Variants in WFDC9 observed in about 807,000 individuals in gnomAD.
The protein encoded by WFDC9 is protein WFDC9.
Under a neutral mutation model 9.5 loss-of-function variants are expected in WFDC9, and 9 were observed. That is an observed-to-expected ratio of 0.95 (90% CI 0.57 to 1.65). The LOEUF (loss-of-function observed/expected upper bound fraction) is 1.65, where lower values mean the gene tolerates loss of function less well. WFDC9 is among the 40% of genes most tolerant of loss of function. The probability of loss-of-function intolerance (pLI) is 0.00; values close to 1 mark genes in which losing one functional copy is unlikely to be tolerated. For synonymous variants in WFDC9, 33 were observed against 32.3 expected (o/e 1.02, Z -0.07); for missense variants, 87 against 106.7 (o/e 0.82, Z 0.81).
chr20:45,615,533 G>A (rs1420818505), intron 1 of WFDC9, among the ~76,000 whole-genome samples: 1 of 152,150 alleles, frequency 6.6e-6, no homozygotes, highest in African/African-American at 2.4e-5. Context: ...CATAAAAAAG[G>A]TAATATTGCA....
At chr20:45,617,747 C>T (rs2145598257) in intron 1 of WFDC9, among the ~76,000 whole-genome samples, 1 of 152,280 alleles carries the variant, frequency 6.6e-6, no homozygotes, top group African/African-American at 2.4e-5. Flanking sequence ...ACTCAACCTC[C>T]TGAGTAGCTG....
intron 1 of WFDC9, among the ~76,000 whole-genome samples, chr20:45,624,391 G>A (rs570955175): frequency 8.5e-5 from 13 of 152,238 alleles, no homozygotes; most frequent in African/African-American, 1.4e-4. Context: ...CATGAACCAC[G>A]GGATTTTATT....
chr20:45,622,968 T>A (rs371886870), intron 1 of WFDC9, among the ~76,000 whole-genome samples: 8 of 152,106 alleles, frequency 5.3e-5, no homozygotes, highest in East Asian at 3.9e-4. Context: ...AGATTTGTAT[T>A]GTCAAACCTA....
chr20:45,616,159 A>G (rs1378659142), intron 1 of WFDC9, among the ~76,000 whole-genome samples: 1 of 152,250 alleles, frequency 6.6e-6, no homozygotes, highest in East Asian at 1.9e-4. Flanking sequence ...ATTTCTTTCA[A>G]AATTTCGGTC....
intron 3 of WFDC9, among the ~76,000 whole-genome samples, chr20:45,609,865 G>A (rs1400154616): frequency 6.6e-6 from 1 of 152,110 alleles, no homozygotes; most frequent in Non-Finnish European, 1.5e-5. Flanking sequence ...GCTAGCTGAT[G>A]GAATATAGAC....
intron 1 of WFDC9, among the ~76,000 whole-genome samples, chr20:45,629,147 A>G (rs1246405106): frequency 6.6e-6 from 1 of 152,180 alleles, no homozygotes; most frequent in Non-Finnish European, 1.5e-5. Flanking sequence ...GTATGTGTTT[A>G]TATACATTTA....
At chr20:45,611,961 C>T (rs1289105427) in intron 2 of WFDC9, among the ~76,000 whole-genome samples, 2 of 152,060 alleles carry the variant, frequency 1.3e-5, no homozygotes, top group East Asian at 1.9e-4. Flanking sequence ...AATTAGAATC[C>T]CAACCCCACC....
Position 45,631,273 on chromosome 20 carries a change from C to G in WFDC9, c.-223G>C. Reference sequence around the variant, plus strand: ...CCCTACAGATGCCCCACTTGTCTTGCGTCCTGGTGTTCAATTTCTCTCCCT... The same window carrying G: ...CCCTACAGATGCCCCACTTGTCTTGGGTCCTGGTGTTCAATTTCTCTCCCT... On this transcript the variant is annotated 5_prime_UTR_variant, in exon 1 of 5. Coordinates refer to ENST00000326000, the MANE Select transcript of WFDC9 (RefSeq NM_147198.4). 3.1e-6 allele frequency: 1 copy of G among 319,752 alleles called. No homozygotes were observed. Among genetic ancestry groups the G allele is most frequent in the Non-Finnish European group, 5.7e-6 (1 of 176,448 alleles). The allele number at this position is 319,752 out of a possible 1,614,324, so 19.8% of individuals were successfully genotyped here. A position where few individuals can be genotyped will look rare whatever the true frequency, so the allele number is the denominator to read the frequency against.
chr20:45,616,423 T>G (rs899514220), intron 1 of WFDC9, among the ~76,000 whole-genome samples: 2 of 152,224 alleles, frequency 1.3e-5, no homozygotes, highest in Non-Finnish European at 2.9e-5. Context: ...TTGCAGTGAC[T>G]TCCTCCACTG....
chr20:45,629,955 G>C (rs1183189867), intron 1 of WFDC9: 1 of 1,599,018 alleles, frequency 6.3e-7, no homozygotes, highest in Non-Finnish European at 8.5e-7. Context: ...AGGGGGAATG[G>C]AGGGCCTGTG....
rs183517443 is a variant in WFDC9, at chr20:45,623,522, G to T, written c.-153+7681C>A. On this transcript the variant is annotated intron_variant, in intron 1 of 4. Transcript: ENST00000326000. ...GGCACCTGTAATCCCAGCTACTCAG[G>T]AGGTTGAGGCAGGAGAATCACTTTA... 3.9e-5 allele frequency among the ~76,000 whole-genome samples: 6 copies of T among 152,088 alleles called. No individual in the cohort carries two copies. In the East Asian group the frequency reaches 1.2e-3, roughly 30 times the overall value.
At chr20:45,624,718 C>T (rs1982178380) in intron 1 of WFDC9, among the ~76,000 whole-genome samples, 1 of 152,180 alleles carries the variant, frequency 6.6e-6, no homozygotes, top group African/African-American at 2.4e-5. Context: ...TCCACAAGGT[C>T]AACAGCACTT....
At chr20:45,618,352 T>C (rs1982017767) in intron 1 of WFDC9, among the ~76,000 whole-genome samples, 1 of 152,246 alleles carries the variant, frequency 6.6e-6, no homozygotes, top group African/African-American at 2.4e-5. Context: ...TTATCGTTCC[T>C]GTGTTCCCGG....
rs79461066 is a variant in WFDC9 at position 45,626,981 on chromosome 20, A to C, written c.-153+4222T>G. ...GTCATATATGATCTTTATTATGTGG[A>C]GGTGCTTTCCTTTCATACATAATTT... On this transcript the variant is annotated intron_variant, in intron 1 of 4. Transcript: ENST00000326000. 5.5e-3 allele frequency among the ~76,000 whole-genome samples: 845 copies of C among 152,294 alleles called. 7 individuals carry two copies. The highest frequency in any genetic ancestry group is 0.02 in the African/African-American group (811 of 41,562).
chr20:45,610,095 A>C lies in WFDC9; in HGVS notation c.87T>G (p.Asp29Glu). The C allele has an allele frequency of 3.1e-6, 5 of 1,614,000 alleles. No homozygotes were observed. The highest frequency in any genetic ancestry group is 4.2e-6 in the Non-Finnish European group (5 of 1,179,928). Residue 29 changes from aspartate to glutamate, a missense_variant, in exon 3 of 5, where the codon GAT becomes GAG. By Grantham distance (45) the Asp-to-Glu change is conservative. Coordinates refer to ENST00000326000, the MANE Select transcript of WFDC9 (RefSeq NM_147198.4). ...LPVLGSFWNK[D>E]PFLDMIRETE... Reference sequence around the variant, plus strand: ...GTCCCTTTTCACACCACCCACAGGGATCTTTGTTCCAGAAGCTTCCCAGCA... The same window carrying C: ...GTCCCTTTTCACACCACCCACAGGGCTCTTTGTTCCAGAAGCTTCCCAGCA...
At chr20:45,617,772 C>A (rs933288733) in intron 1 of WFDC9, among the ~76,000 whole-genome samples, 1 of 152,158 alleles carries the variant, frequency 6.6e-6, no homozygotes, top group Admixed American at 6.5e-5. Flanking sequence ...TATAGGTGTG[C>A]ACCATCATGC....
intron 1 of WFDC9, among the ~76,000 whole-genome samples, chr20:45,622,307 G>T (rs147303713): frequency 3.3e-5 from 5 of 151,972 alleles, no homozygotes; most frequent in African/African-American, 1.2e-4. Context: ...ATTTGTATTT[G>T]ATGTTCCTAC....
chr20:45,611,890 A>G lies in WFDC9; in HGVS notation c.-58-1651T>C, dbSNP rs761617996. ...ATACAAAGGTAATTTTCATCACCAC[A>G]CTATTTGCTGATGGGTATTTTAAGA... On this transcript the variant is annotated intron_variant, in intron 2 of 4. Coordinates refer to ENST00000326000, the MANE Select transcript of WFDC9 (RefSeq NM_147198.4). Among the ~76,000 whole-genome samples, 11 of 152,206 alleles carry G rather than the reference A, an allele frequency of 7.2e-5. No homozygotes were observed. In the East Asian group the frequency reaches 2.1e-3, roughly 29 times the overall value.
intron 2 of WFDC9, among the ~76,000 whole-genome samples, chr20:45,611,689 C>T (rs1043124655): frequency 1.3e-5 from 2 of 152,042 alleles, no homozygotes; most frequent in African/African-American, 4.8e-5. Flanking sequence ...AGCTTTGGTA[C>T]ATATATTGTT....
Sources: gnomAD v4.1 joint callset for allele counts (sites outside exome capture counted in the v4.1 genomes callset) on GRCh38, gnomAD v4.1.1 for gene constraint, MANE v1.5 for transcripts, NCBI Gene and HGNC (gene_info 2026-07-23, HGNC 2026-07-21) for gene names.